Variants in MKLN1 observed in about 807,000 individuals in gnomAD.
MKLN1 encodes muskelin.
Under a neutral mutation model 99.0 loss-of-function variants are expected in MKLN1, and 18 were observed. The observed-to-expected ratio is 0.18, with a 90% CI of 0.13 to 0.27. The LOEUF is 0.27. Among genes scored for constraint, MKLN1 ranks in the 10% least tolerant of loss-of-function variants. MKLN1 has a pLI of 1.00. For missense variants in MKLN1, 621 were observed against 875.9 expected, an observed-to-expected ratio of 0.71 and a Z score of 3.67; for synonymous variants, 288 against 293.2, an observed-to-expected ratio of 0.98 and a Z score of 0.18.
At chr7:131,291,096 TTTTATTTTA>T (rs1406221359) in intron 3 of MKLN1, among the ~76,000 whole-genome samples, 3 of 135,384 alleles carry the variant, frequency 2.2e-5, no homozygotes, top group Admixed American at 7.3e-5. Flanking sequence ...TTTTATCTCA[TTTTATTTTA>T]TTTATTTATT....
chr7:131,361,599 T>C (rs1800030303), intron 1 of MKLN1, among the ~76,000 whole-genome samples: 1 of 151,406 alleles, frequency 6.6e-6, no homozygotes, highest in Admixed American at 6.6e-5. Flanking sequence ...GGCTTTCTTT[T>C]TTTTTTTTTG....
chr7:131,252,097 C>T (rs1042113397), intron 3 of MKLN1, among the ~76,000 whole-genome samples: 4 of 152,060 alleles, frequency 2.6e-5, no homozygotes, highest in Non-Finnish European at 5.9e-5. Flanking sequence ...ATGTCCTATT[C>T]CCCTTTTTTC....
At chr7:131,418,999 A>T (rs1189514649) in intron 8 of MKLN1, among the ~76,000 whole-genome samples, 1 of 152,104 alleles carries the variant, frequency 6.6e-6, no homozygotes, top group East Asian at 1.9e-4. Flanking sequence ...AAATCAGAAA[A>T]TACTATTCAG....
intron 2 of MKLN1, among the ~76,000 whole-genome samples, chr7:131,154,635 T>TTATGA (rs754540824): frequency 2.0e-5 from 3 of 152,308 alleles, no homozygotes; most frequent in Non-Finnish European, 4.4e-5. Context: ...GTTATCTATA[T>TTATGA]TATGATATGA....
intron 2 of MKLN1, among the ~76,000 whole-genome samples, chr7:131,144,497 G>C (rs1336202320): frequency 2.7e-5 from 4 of 147,532 alleles, no homozygotes; most frequent in Admixed American, 1.4e-4. Flanking sequence ...AAAAAAAAAA[G>C]TTTTTCTTTT....
chr7:131,180,351 T>C (rs951657618), intron 2 of MKLN1, among the ~76,000 whole-genome samples: 1 of 152,204 alleles, frequency 6.6e-6, no homozygotes, highest in Non-Finnish European at 1.5e-5. Context: ...TATGTAGAAA[T>C]GTTGCTGTTT....
At chr7:131,302,957 T>C (rs1798397358) in intron 3 of MKLN1, among the ~76,000 whole-genome samples, 1 of 152,142 alleles carries the variant, frequency 6.6e-6, no homozygotes, top group African/African-American at 2.4e-5. Context: ...GGTACCAAAC[T>C]GTGCGCTGGG....
At chr7:131,439,858 A>C (rs1795779206) in intron 10 of MKLN1, among the ~76,000 whole-genome samples, 1 of 148,570 alleles carries the variant, frequency 6.7e-6, no homozygotes, top group Non-Finnish European at 1.5e-5. Context: ...TCAAGCAAAA[A>C]GATTTAAACA....
At chr7:131,315,542 A>G (rs973267996) in intron 3 of MKLN1, among the ~76,000 whole-genome samples, 31 of 152,282 alleles carry the variant, frequency 2.0e-4, no homozygotes, top group Admixed American at 2.6e-4. Context: ...AACCCCAGTG[A>G]GACAGAACTG....
intron 2 of MKLN1, among the ~76,000 whole-genome samples, chr7:131,158,834 A>G (rs565116275): frequency 3.3e-5 from 5 of 152,274 alleles, no homozygotes; most frequent in Admixed American, 2.6e-4. Flanking sequence ...TCACTCAGAA[A>G]GTGTGATGGG....
chr7:131,162,430 T>C (rs1796068895), intron 2 of MKLN1, among the ~76,000 whole-genome samples: 1 of 152,176 alleles, frequency 6.6e-6, no homozygotes, highest in South Asian at 2.1e-4. Flanking sequence ...AGCACATAAA[T>C]GAGCGTCAGG....
Position 131,129,115 on chromosome 7 carries a change from A to T in MKLN1, c.-418-13705A>T, listed in dbSNP as rs1172154435. On this transcript the variant is annotated intron_variant, in intron 1 of 7. Transcript: ENST00000416992. Reference sequence around the variant, plus strand: ...AATTCAACTGGTCAATGAAAATGAAAATGGTCCAGTTTCATTATTAATTAA... The same window carrying T: ...AATTCAACTGGTCAATGAAAATGAATATGGTCCAGTTTCATTATTAATTAA... Among the ~76,000 whole-genome samples the T allele has an allele frequency of 3.3e-5, 5 of 152,132 alleles. No individual in the cohort carries two copies. The East Asian group carries it at 9.6e-4, about 29-fold the overall frequency.
At chr7:131,174,113 C>T in intron 2 of MKLN1, among the ~76,000 whole-genome samples, 1 of 151,916 alleles carries the variant, frequency 6.6e-6, no homozygotes. Flanking sequence ...GCTGGGACTA[C>T]AGGTGCCCGC....
chr7:131,274,057 G>A (rs1280583578), intron 3 of MKLN1, among the ~76,000 whole-genome samples: 3 of 152,124 alleles, frequency 2.0e-5, no homozygotes, highest in Non-Finnish European at 4.4e-5. Flanking sequence ...GCAAGTAGGA[G>A]TATAGGGACA....
intron 1 of MKLN1, among the ~76,000 whole-genome samples, chr7:131,343,089 T>C (rs1799453624): frequency 6.6e-6 from 1 of 152,232 alleles, no homozygotes; most frequent in Non-Finnish European, 1.5e-5. Context: ...GCGCTTCCAC[T>C]GTTGGGTAAG....
At position 131,346,347 on chromosome 7, in the gene MKLN1, A is replaced by G. The variant is rs571486659; in HGVS notation, c.98+18350A>G. Among the ~76,000 whole-genome samples, 15 of 152,200 alleles carry G rather than the reference A, an allele frequency of 9.9e-5. No homozygotes were observed. The South Asian group carries it at 2.9e-3, about 29-fold the overall frequency. On this transcript the variant is annotated intron_variant, in intron 1 of 17. Coordinates refer to ENST00000352689, the MANE Select transcript of MKLN1 (RefSeq NM_013255.5). ...AGACCAGCCTGGCCAACATGGTGAA[A>G]CCTGTCTCTGCTAAAAATATAAAAG... is the stretch of plus-strand genomic sequence containing the variant.
At chr7:131,265,928 T>C (rs55640724) in intron 3 of MKLN1, among the ~76,000 whole-genome samples, 11,146 of 152,030 alleles carry the variant, frequency 0.073, 464 homozygotes, top group Non-Finnish European at 0.094. Context: ...AATCCCAACA[T>C]TTTGGGAGGC....
chr7:131,419,593 TG>T (rs1795131474), intron 8 of MKLN1, among the ~76,000 whole-genome samples: 1 of 152,178 alleles, frequency 6.6e-6, no homozygotes, highest in South Asian at 2.1e-4. Flanking sequence ...TGACATTTTA[TG>T]GTAAGTACTG....
intron 3 of MKLN1, among the ~76,000 whole-genome samples, chr7:131,237,420 T>C (rs114305810): frequency 2.5e-3 from 377 of 152,246 alleles, no homozygotes; most frequent in African/African-American, 8.4e-3. Flanking sequence ...ACACAGGAAA[T>C]GATTCCCAGA....
Sources: allele counts gnomAD v4.1 joint callset (sites outside exome capture counted in the v4.1 genomes callset), GRCh38; gene constraint gnomAD v4.1.1; transcripts MANE v1.5; gene names NCBI Gene and HGNC (gene_info 2026-07-23, HGNC 2026-07-21).